Variants in PML observed in about 807,000 individuals in gnomAD.
The protein encoded by PML is protein PML.
A neutral mutation model predicts 65.2 loss-of-function variants in PML; 28 were observed. That is an observed-to-expected ratio of 0.43 (90% confidence interval 0.32 to 0.59). PML has a LOEUF of 0.59. Among genes scored for constraint, PML ranks in the 20% least tolerant of loss-of-function variants. The pLI is 0.08. For missense variants in PML, 1,021 were observed against 1,203.4 expected (o/e 0.85, Z 2.24); for synonymous variants, 500 against 508.8 (o/e 0.98, Z 0.23).
Position 74,017,161 on chromosome 15 carries a change from A to G in PML, c.603-5667A>G, listed in dbSNP as rs1053593394. On this transcript the variant is annotated intron_variant, in intron 2 of 8. Coordinates refer to ENST00000268058, the MANE Select transcript of PML (RefSeq NM_033238.3). The stretch of plus-strand genomic sequence containing the variant: ...CTTCAGTAATTATAGTGTCTTTACT[A>G]TGGTGAGAGTAAATAGTCCACTGTG... Among the ~76,000 whole-genome samples, 5 of 152,154 alleles carry G rather than the reference A, an allele frequency of 3.3e-5. No homozygotes were observed. In the East Asian group the frequency reaches 7.7e-4, roughly 23 times the overall value.
At chr15:74,036,310 C>T in intron 7 of PML, 4 of 1,445,508 alleles carry the variant, frequency 2.8e-6, no homozygotes, top group Non-Finnish European at 3.6e-6. Context: ...AGGCCTCTGC[C>T]AGGATCTAAG....
chr15:74,011,542 G>T (rs1370106593), intron 2 of PML, among the ~76,000 whole-genome samples: 2 of 152,210 alleles, frequency 1.3e-5, no homozygotes, highest in African/African-American at 4.8e-5. Flanking sequence ...CAGGGGACAG[G>T]TTTGAAGCCA....
chr15:74,038,509 G>T (rs537658640), intron 7 of PML, among the ~76,000 whole-genome samples: 165 of 152,138 alleles, frequency 1.1e-3, no homozygotes, highest in Non-Finnish European at 1.9e-3. Context: ...ATTGTTATAG[G>T]AGTCCCAAAC....
At chr15:74,025,280 T>G in intron 4 of PML, 1 of 361,244 alleles carries the variant, frequency 2.8e-6, no homozygotes, top group South Asian at 2.4e-5. Flanking sequence ...AAACTATGGT[T>G]GTCAGATGTA....
intron 7 of PML, among the ~76,000 whole-genome samples, chr15:74,040,994 G>A (rs1250964998): frequency 1.3e-5 from 2 of 152,194 alleles, no homozygotes; most frequent in Non-Finnish European, 2.9e-5. Flanking sequence ...CAGTACTGTG[G>A]CTCTCCAGGG....
chr15:74,014,043 C>T (rs780750570), intron 2 of PML, among the ~76,000 whole-genome samples: 5 of 152,172 alleles, frequency 3.3e-5, no homozygotes, highest in African/African-American at 1.2e-4. Flanking sequence ...ACTGCTGACA[C>T]TATTTGGATT....
intron 7 of PML, among the ~76,000 whole-genome samples, chr15:74,039,154 G>A (rs141770372): frequency 2.6e-4 from 40 of 152,334 alleles, no homozygotes; most frequent in Non-Finnish European, 4.9e-4. Flanking sequence ...TGGTGACGGC[G>A]GAGGAAGGGA....
chr15:74,032,361 G>A (rs117962635), intron 4 of PML: 19,946 of 601,066 alleles, frequency 0.033, 426 homozygotes, highest in African/African-American at 0.039. Context: ...GTGAGACCCT[G>A]TCTCTACAAA....
intron 2 of PML, among the ~76,000 whole-genome samples, chr15:74,005,337 C>T (rs1282993790): frequency 2.6e-5 from 4 of 152,224 alleles, no homozygotes; most frequent in African/African-American, 9.6e-5. Flanking sequence ...AGGTGTGAGC[C>T]ACTGCACCCG....
At chr15:73,997,891 G>T (rs748927596) in intron 1 of PML, 113 bp from the exon 2 acceptor site, 44 of 902,410 alleles carry the variant, frequency 4.9e-5, no homozygotes, top group Middle Eastern at 3.3e-4. Flanking sequence ...TCCAATGACT[G>T]GCTGGAATGG....
chr15:74,042,766 G>A lies in PML; in HGVS notation c.1711-223G>A, dbSNP rs551793464. 26 of 985,164 alleles carry A rather than the reference G, an allele frequency of 2.6e-5. No individual in the cohort carries two copies. In the South Asian group the frequency reaches 8.0e-4, roughly 30 times the overall value. The allele number at this position is 985,164 out of a possible 1,614,324, so 61.0% of individuals were successfully genotyped here. On this transcript the variant is annotated intron_variant, in intron 7 of 8. Transcript: ENST00000268058. This position sits in a 1 kb window ranked among gnomAD's most constrained non-coding sequence, Gnocchi z 5.3. ...TCACCCTTCCTCCCCTACTCATGAG[G>A]GTGTATGCCCTGGTTCATACATGTA...
rs186431330 is a variant in PML at position 74,005,864 on chromosome 15, G to A, written c.602+7388G>A. On this transcript the variant is annotated intron_variant, in intron 2 of 8. Transcript: ENST00000268058. ...TGTTCAGTGTTTGTAGCTAGCGTGG[G>A]CTGGCAGCAATTGTGTAAAGCACAA... Among the ~76,000 whole-genome samples, 245 of 152,206 alleles carry A rather than the reference G, an allele frequency of 1.6e-3. 1 individual carries two copies. The highest frequency in any genetic ancestry group is 2.9e-3 in the Non-Finnish European group (200 of 68,010).
intron 2 of PML, among the ~76,000 whole-genome samples, chr15:74,005,562 AGTT>A (rs1437023665): frequency 1.4e-5 from 2 of 147,472 alleles, no homozygotes; most frequent in Non-Finnish European, 3.0e-5. Flanking sequence ...ACCCCTGTAG[AGTT>A]GTTGTGGGTT....
intron 7 of PML, among the ~76,000 whole-genome samples, chr15:74,040,881 G>A (rs1315999091): frequency 6.6e-6 from 1 of 152,194 alleles, no homozygotes; most frequent in African/African-American, 2.4e-5. Flanking sequence ...TAGGACAAAG[G>A]ACATTTCCCT....
intron 2 of PML, among the ~76,000 whole-genome samples, chr15:74,021,412 C>T (rs939742273): frequency 2.0e-5 from 3 of 152,026 alleles, no homozygotes; most frequent in Admixed American, 1.3e-4. Context: ...CATGGAGAAA[C>T]CTCGTCTCTA....
At chr15:74,022,587 A>G (rs965100940) in intron 2 of PML, among the ~76,000 whole-genome samples, 2 of 152,154 alleles carry the variant, frequency 1.3e-5, no homozygotes, top group East Asian at 1.9e-4. Flanking sequence ...GTCGTTTCGT[A>G]TATCTTTGTA....
At chr15:74,034,972 T>C (rs1595916984) in intron 7 of PML, 15 of 1,480,832 alleles carry the variant, frequency 1.0e-5, no homozygotes, top group Non-Finnish European at 1.2e-5. Flanking sequence ...ACTCCATCCA[T>C]GTAGAAAGAT....
chr15:74,040,928 C>CTAGT (rs1312115016), intron 7 of PML, among the ~76,000 whole-genome samples: 1 of 152,154 alleles, frequency 6.6e-6, no homozygotes, highest in African/African-American at 2.4e-5. Context: ...AAACGAGGTT[C>CTAGT]TAGTGGCTGC....
chr15:74,035,039 C>T lies in PML; in HGVS notation c.1710+509C>T. ...CCTCGTGGGTAGTGACCCTTCTGTC[C>T]CTAGAGGTTTATTACTAGAGGCTGG... is the stretch of plus-strand genomic sequence containing the variant. On this transcript the variant is annotated intron_variant, in intron 7 of 8. Transcript: ENST00000268058. This position sits in a 1 kb window ranked among gnomAD's most constrained non-coding sequence, Gnocchi z 4.1. The T allele has an allele frequency of 6.8e-7, 1 of 1,463,318 alleles. No individual in the cohort carries two copies. Among genetic ancestry groups the T allele is most frequent in the African/African-American group, 1.4e-5 (1 of 72,344 alleles). The allele number at this position is 1,463,318 out of a possible 1,614,324, so 90.6% of individuals were successfully genotyped here.
Sources: allele counts gnomAD v4.1 joint callset (sites outside exome capture counted in the v4.1 genomes callset), GRCh38; gene constraint gnomAD v4.1.1; non-coding constraint Gnocchi (gnomAD v3.1); transcripts MANE v1.5; gene names NCBI Gene and HGNC (gene_info 2026-07-23, HGNC 2026-07-21).